The following COL5A1 variants were observed in gnomAD, a reference collection of about 807,000 sequenced individuals.
COL5A1 encodes the protein collagen alpha-1(V) chain.
Under a neutral mutation model 263.7 loss-of-function variants are expected in COL5A1, and 16 were observed. That is an observed-to-expected ratio of 0.06 (90% confidence interval 0.04 to 0.09). The LOEUF is 0.09. Among genes scored for constraint, COL5A1 ranks in the 10% least tolerant of loss-of-function variants. The pLI is 1.00. For synonymous variants in COL5A1, 1,012 were observed against 1,004.5 expected (o/e 1.01, Z -0.14); for missense variants, 2,036 against 2,540.5 (o/e 0.80, Z 4.27).
chr9:134,749,958 A>G (rs2132681119), intron 11 of COL5A1, among the ~76,000 whole-genome samples: 1 of 152,306 alleles, frequency 6.6e-6, no homozygotes, highest in African/African-American at 2.4e-5. Context: ...TGAGGAGGGC[A>G]CTGTGTCGTT....
chr9:134,727,203 C>A (rs1235936767), intron 4 of COL5A1, 63 bp from the exon 5 acceptor site: 2 of 1,576,716 alleles, frequency 1.3e-6, no homozygotes, highest in African/African-American at 2.7e-5. Context: ...GGGGCTGTGT[C>A]TCCCAGGTCC....
At chr9:134,803,728 A>C (rs1388088457) in intron 39 of COL5A1, among the ~76,000 whole-genome samples, 1 of 152,136 alleles carries the variant, frequency 6.6e-6, no homozygotes, top group Non-Finnish European at 1.5e-5. Context: ...CTGTAGTCCC[A>C]GCTACTCGGG....
At chr9:134,750,369 T>A (rs1835729759) in intron 11 of COL5A1, among the ~76,000 whole-genome samples, 173 bp from the exon 12 acceptor site, 1 of 152,082 alleles carries the variant, frequency 6.6e-6, no homozygotes, top group Non-Finnish European at 1.5e-5. Flanking sequence ...GCCGTGCCCC[T>A]CCCTTCTCCG....
chr9:134,739,120 C>T (rs866670383), intron 11 of COL5A1, among the ~76,000 whole-genome samples: 7 of 152,222 alleles, frequency 4.6e-5, no homozygotes, highest in Admixed American at 6.5e-5. Flanking sequence ...CAGATGGCTC[C>T]GGGGCCTTTC....
chr9:134,652,627 C>G lies in COL5A1; in HGVS notation c.109+10331C>G. 1 of 468,112 alleles carries G rather than the reference C, an allele frequency of 2.1e-6. No individual in the cohort carries two copies. Among genetic ancestry groups the G allele is most frequent in the Non-Finnish European group, 4.4e-6 (1 of 225,382 alleles). 29.0% of individuals were successfully genotyped at this position (468,112 alleles called of 1,614,324 possible). A position where few individuals can be genotyped will look rare whatever the true frequency, so the allele number is the denominator to read the frequency against. ...GCACCCCACAGTGCACGGGACAGCCCCCACCAAAAAGACTGACCCAGCCCG... is the reference window on the plus strand; with the variant it reads ...GCACCCCACAGTGCACGGGACAGCCGCCACCAAAAAGACTGACCCAGCCCG... On this transcript the variant is annotated intron_variant, in intron 1 of 65. Transcript: ENST00000371817. This position sits in a 1 kb window ranked among gnomAD's most constrained non-coding sequence, Gnocchi z 4.4.
At position 134,796,591 on chromosome 9, in the gene COL5A1, C is replaced by T. The variant is rs1335112851; in HGVS notation, c.2844+173C>T. On this transcript the variant is annotated intron_variant, in intron 35 of 65. Transcript: ENST00000371817. ...GTCACGCCCTGGGAGTGAACTCTTC[C>T]GTAGGTCAGGGGCCTCGACCGCAGC... is the stretch of plus-strand genomic sequence containing the variant. Among the ~76,000 whole-genome samples, 7 of 152,290 alleles carry T rather than the reference C, an allele frequency of 4.6e-5. No homozygotes were observed. In the East Asian group the frequency reaches 5.8e-4, roughly 13 times the overall value.
chr9:134,702,851 A>T (rs971675313), intron 4 of COL5A1, among the ~76,000 whole-genome samples: 2 of 152,140 alleles, frequency 1.3e-5, no homozygotes, highest in African/African-American at 4.8e-5. Flanking sequence ...GTAAAATGGG[A>T]TCACAGATGT....
At chr9:134,813,841 A>G (rs922069707) in intron 48 of COL5A1, 142 bp from the exon 49 acceptor site, 7 of 795,224 alleles carry the variant, frequency 8.8e-6, no homozygotes, top group Admixed American at 2.1e-5. Context: ...GTGTGTGGGG[A>G]CAGCACTCCC....
chr9:134,657,702 TTCCCAGGAGC>T, intron 1 of COL5A1, among the ~76,000 whole-genome samples: 1 of 150,618 alleles, frequency 6.6e-6, no homozygotes, highest in Non-Finnish European at 1.5e-5. Flanking sequence ...CTGTATTCAG[TTCCCAGGAGC>T]TTCTCCAGAT....
At chr9:134,744,328 C>A (rs569356874) in intron 11 of COL5A1, among the ~76,000 whole-genome samples, 71 of 152,028 alleles carry the variant, frequency 4.7e-4, no homozygotes, top group African/African-American at 1.7e-3. Context: ...TGCACTCATG[C>A]ACACACACTC....
At chr9:134,690,308 A>G (rs1482922436) in intron 1 of COL5A1, among the ~76,000 whole-genome samples, 4 of 92,760 alleles carry the variant, frequency 4.3e-5, no homozygotes, top group Admixed American at 1.1e-4. Context: ...CAGGTGGATA[A>G]TGACGGGGGG....
Position 134,835,215 on chromosome 9 carries a change from C to T in COL5A1, c.5370+11C>T, listed in dbSNP as rs764644830. The T allele has an allele frequency of 1.5e-4, 237 of 1,609,516 alleles. 2 individuals carry two copies. In the Middle Eastern group the frequency reaches 9.9e-3, roughly 67 times the overall value. On this transcript the variant is annotated intron_variant, in intron 65 of 65. Transcript: ENST00000371817. ...GTGGACGGCTGTGCTGTGAGTATCCCGCGCCGCGCCCAGCACCCCTGCTCA... is the reference window on the plus strand; with the variant it reads ...GTGGACGGCTGTGCTGTGAGTATCCTGCGCCGCGCCCAGCACCCCTGCTCA...
intron 6 of COL5A1, among the ~76,000 whole-genome samples, chr9:134,729,959 C>G (rs540518272): frequency 6.6e-6 from 1 of 152,282 alleles, no homozygotes; most frequent in African/African-American, 2.4e-5. Flanking sequence ...TATGATTCAC[C>G]CTTTTCTGGT....
intron 65 of COL5A1, among the ~76,000 whole-genome samples, chr9:134,837,132 T>C (rs1839878139): frequency 6.6e-6 from 1 of 152,184 alleles, no homozygotes; most frequent in South Asian, 2.1e-4. Flanking sequence ...CCTGTGAATA[T>C]TTTTAGATAA....
chr9:134,708,577 C>T, intron 4 of COL5A1: 1 of 518,720 alleles, frequency 1.9e-6, no homozygotes, highest in Non-Finnish European at 3.8e-6. Flanking sequence ...ACCTGTGTGG[C>T]AGCCCAGACC....
intron 4 of COL5A1, among the ~76,000 whole-genome samples, chr9:134,717,792 TAA>T (rs1834322624): frequency 6.6e-6 from 1 of 152,142 alleles, no homozygotes; most frequent in African/African-American, 2.4e-5. Flanking sequence ...AATTAGATGA[TAA>T]AGTCTGTGGG....
intron 4 of COL5A1, among the ~76,000 whole-genome samples, chr9:134,702,224 T>G (rs1375995437): frequency 6.6e-6 from 1 of 152,174 alleles, no homozygotes; most frequent in African/African-American, 2.4e-5. Flanking sequence ...AAGTTGGGTT[T>G]TGCAGAAGAT....
At chr9:134,728,113 T>C (rs1377677539) in intron 5 of COL5A1, among the ~76,000 whole-genome samples, 1 of 152,266 alleles carries the variant, frequency 6.6e-6, no homozygotes, top group Non-Finnish European at 1.5e-5. Context: ...TTCAGGAAGC[T>C]GTGGGACCCC....
chr9:134,839,637 C>G (rs1171991102), intron 65 of COL5A1, among the ~76,000 whole-genome samples: 1 of 152,312 alleles, frequency 6.6e-6, no homozygotes, highest in African/African-American at 2.4e-5. Context: ...GAAGCCAGGC[C>G]CAACCATCTC....
Sources: gnomAD v4.1 joint callset for allele counts (sites outside exome capture counted in the v4.1 genomes callset) on GRCh38, gnomAD v4.1.1 for gene constraint, Gnocchi (gnomAD v3.1) non-coding constraint, MANE v1.5 for transcripts, NCBI Gene and HGNC (gene_info 2026-07-23, HGNC 2026-07-21) for gene names.